The following C2CD2L variants were observed in gnomAD, a reference collection of about 807,000 sequenced individuals.
C2CD2L encodes C2CD2 like, also known as phospholipid transfer protein C2CD2L.
Under a neutral mutation model 69.9 loss-of-function variants are expected in C2CD2L, and 24 were observed. The observed-to-expected ratio is 0.34, with a 90% CI of 0.25 to 0.48. The LOEUF (loss-of-function observed/expected upper bound fraction) is 0.48, where lower values mean the gene tolerates loss of function less well. Among genes scored for constraint, C2CD2L ranks in the 20% least tolerant of loss-of-function variants. C2CD2L has a pLI of 0.99. For synonymous variants in C2CD2L, 367 were observed against 391.0 expected, an observed-to-expected ratio of 0.94 and a Z score of 0.72; for missense variants, 811 against 941.5, an observed-to-expected ratio of 0.86 and a Z score of 1.81.
Position 119,114,010 on chromosome 11 carries a change from G to A in C2CD2L, c.1623+22G>A, listed in dbSNP as rs540893166. The A allele has an allele frequency of 1.1e-5, 18 of 1,613,492 alleles. No individual in the cohort carries two copies. In the East Asian group the frequency reaches 1.6e-4, roughly 14 times the overall value. Reference sequence around the variant, plus strand: ...CAAGGTAACAGGGCTCTGGGGAGAGGAGCTGGGATGGGGAGAAAGCCCTAA... The same window carrying A: ...CAAGGTAACAGGGCTCTGGGGAGAGAAGCTGGGATGGGGAGAAAGCCCTAA... On this transcript the variant is annotated intron_variant, in intron 12 of 13. Transcript: ENST00000648610. This position sits in a 1 kb window ranked among gnomAD's most constrained non-coding sequence, Gnocchi z 5.1.
Position 119,114,432 on chromosome 11 carries a change from T to A in C2CD2L, c.1909+67T>A. The A allele has an allele frequency of 6.6e-7, 1 of 1,507,144 alleles. No homozygotes were observed. Among genetic ancestry groups the A allele is most frequent in the Non-Finnish European group, 9.1e-7 (1 of 1,101,684 alleles). 93.4% of individuals were successfully genotyped at this position (1,507,144 alleles called of 1,614,324 possible). A position where few individuals can be genotyped will look rare whatever the true frequency, so the allele number is the denominator to read the frequency against. On this transcript the variant is annotated intron_variant, in intron 13 of 13. Transcript: ENST00000648610. This position sits in a 1 kb window ranked among gnomAD's most constrained non-coding sequence, Gnocchi z 5.1. ...TACACATATCATGACCTGGGGGACCTCGAGCCAGTGTGCCTTCTCCTTCCT... is the reference window on the plus strand; with the variant it reads ...TACACATATCATGACCTGGGGGACCACGAGCCAGTGTGCCTTCTCCTTCCT...
At position 119,114,520 on chromosome 11, in the gene C2CD2L, G is replaced by A. The variant is rs919968688; in HGVS notation, c.1909+155G>A. 1 of 698,896 alleles carries A rather than the reference G, an allele frequency of 1.4e-6. No individual in the cohort carries two copies. The highest frequency in any genetic ancestry group is 2.4e-6 in the Non-Finnish European group (1 of 420,904). 43.3% of individuals were successfully genotyped at this position (698,896 alleles called of 1,614,324 possible). On this transcript the variant is annotated intron_variant, in intron 13 of 13. Transcript: ENST00000648610. The surrounding 1 kb of genome is among the most constrained non-coding windows in gnomAD (Gnocchi z 5.1). ...CAAGCTAGCCTAGAGGGGGATCTTG[G>A]TGCCTTGGTTCCTGGCCTAGATCTG...
In C2CD2L at chr11:119,110,661, T is replaced by A. The variant is rs1946713744; in HGVS notation, c.551T>A (p.Leu184Gln). ...AVSMETYHVT[L>Q]TLPPTQLEVN... ...TCCATGGAGACCTACCACGTCACTC[T>A]GACACTGCCACCAACACAGGTAGAA... is the stretch of plus-strand genomic sequence containing the variant. Residue 184 changes from leucine (L) to glutamine (Q), a missense_variant, in exon 3 of 14, where the codon CTG becomes CAG. Leu to Gln is a moderately radical substitution (Grantham distance 113). Coordinates refer to ENST00000648610, the MANE Select transcript of C2CD2L (RefSeq NM_001290474.2). This position sits in a 1 kb window ranked among gnomAD's most constrained non-coding sequence, Gnocchi z 5.7. The A allele has an allele frequency of 6.2e-7, 1 of 1,613,784 alleles. No homozygotes were observed. Among genetic ancestry groups the A allele is most frequent in the African/African-American group, 1.3e-5 (1 of 74,926 alleles).
chr11:119,116,450 G>A lies in C2CD2L; in HGVS notation c.*194G>A, dbSNP rs1380727833. On this transcript the variant is annotated 3_prime_UTR_variant, in exon 14 of 14. Coordinates refer to ENST00000648610, the MANE Select transcript of C2CD2L (RefSeq NM_001290474.2). Reference sequence around the variant, plus strand: ...ACATGAGAGGTGGGCACCCGGTGCCGAGGACATGGACGAGGGACTGGTGGC... The same window carrying A: ...ACATGAGAGGTGGGCACCCGGTGCCAAGGACATGGACGAGGGACTGGTGGC... 1.3e-5 allele frequency: 8 copies of A among 601,992 alleles called. No homozygotes were observed. Among genetic ancestry groups the A allele is most frequent in the African/African-American group, 9.3e-5 (5 of 53,934 alleles). 37.3% of individuals were successfully genotyped at this position (601,992 alleles called of 1,614,324 possible). A position where few individuals can be genotyped will look rare whatever the true frequency, so the allele number is the denominator to read the frequency against.
Position 119,110,998 on chromosome 11 carries a change from G to C in C2CD2L, c.681+41G>C, listed in dbSNP as rs778738162. The C allele has an allele frequency of 6.2e-6, 10 of 1,613,540 alleles. No individual in the cohort carries two copies. Among genetic ancestry groups the C allele is most frequent in the Non-Finnish European group, 8.5e-6 (10 of 1,179,606 alleles). ...TGGCAGAGAAGAGGCAGAACGGGGA[G>C]GGAGGCAGAGGTGGGGGATCCACCT... On this transcript the variant is annotated intron_variant, in intron 4 of 13. Transcript: ENST00000648610. This position sits in a 1 kb window ranked among gnomAD's most constrained non-coding sequence, Gnocchi z 5.7.
rs1458325699 is a variant in C2CD2L at position 119,116,609 on chromosome 11, C to G, written c.*353C>G. On this transcript the variant is annotated 3_prime_UTR_variant, in exon 14 of 14. Transcript: ENST00000648610. ...GCTGACCCTTCTTCCCTTATTTATT[C>G]TCTTTTCTATTTATATGTGTGGCTT... is the stretch of plus-strand genomic sequence containing the variant. 3 of 373,276 alleles carry G rather than the reference C, an allele frequency of 8.0e-6. No individual in the cohort carries two copies. Among genetic ancestry groups the G allele is most frequent in the African/African-American group, 6.1e-5 (3 of 49,240 alleles). The allele number at this position is 373,276 out of a possible 1,614,324, so 23.1% of individuals were successfully genotyped here. A position where few individuals can be genotyped will look rare whatever the true frequency, so the allele number is the denominator to read the frequency against.
rs910034042 is a variant in C2CD2L, at chr11:119,116,141, C to T, written c.2006C>T (p.Ala669Val). Reference sequence around the variant, plus strand: ...CAATCACACGATGACCTCTCCAACGCAACGGCCACGCCCAGTGTCCGAAAG... The same window carrying T: ...CAATCACACGATGACCTCTCCAACGTAACGGCCACGCCCAGTGTCCGAAAG... ...LSQSHDDLSN[A>V]TATPSVRKKA... Residue 669 changes from alanine to valine, a missense_variant, in exon 14 of 14, where the codon GCA becomes GTA. By Grantham distance (64) the Ala-to-Val change is moderately conservative. Coordinates refer to ENST00000648610, the MANE Select transcript of C2CD2L (RefSeq NM_001290474.2). 6.2e-7 allele frequency: 1 copy of T among 1,614,242 alleles called. No homozygotes were observed. The highest frequency in any genetic ancestry group is 2.2e-5 in the East Asian group (1 of 44,886).
intron 10 of C2CD2L, chr11:119,113,356 C>G (rs1233950725): frequency 6.0e-6 from 3 of 503,676 alleles, no homozygotes; most frequent in Admixed American, 3.5e-5. Context: ...CCCAGTACCC[C>G]CTCTGTCCCC....
rs746242841 is a variant in C2CD2L, at chr11:119,108,055, C to T, written c.314C>T (p.Ala105Val). 6.3e-6 allele frequency: 10 copies of T among 1,599,864 alleles called. No individual in the cohort carries two copies. The East Asian group carries it at 1.7e-4, about 26-fold the overall frequency. ...TCTTTCCGGGAGAACTGGCAGCGGG[C>T]TTGGGTGCGAGCGCTGAACGAGCAG... is the stretch of plus-strand genomic sequence containing the variant. ...FKSFRENWQR[A>V]WVRALNEQAC... Residue 105 changes from alanine to valine, a missense_variant, in exon 1 of 14, where the codon GCT (alanine) becomes GTT (valine). Coordinates refer to ENST00000648610, the MANE Select transcript of C2CD2L (RefSeq NM_001290474.2).
upstream of C2CD2L, among the ~76,000 whole-genome samples, chr11:119,104,070 G>A (rs935428325): frequency 1.3e-5 from 2 of 152,158 alleles, no homozygotes; most frequent in Non-Finnish European, 1.5e-5. Context: ...AATTAGTTGT[G>A]ACCAGAGTAA....
Position 119,113,615 on chromosome 11 carries a change from C to A in C2CD2L, c.1392C>A (p.Ser464=). 6.2e-7 allele frequency: 1 copy of A among 1,612,672 alleles called. No homozygotes were observed. The highest frequency in any genetic ancestry group is 8.5e-7 in the Non-Finnish European group (1 of 1,179,190). Residue 464 remains serine, a synonymous_variant, in exon 11 of 14, where the codon TCC becomes TCA. Transcript: ENST00000648610. ...TGACCCTCCCCCACCCACCAGACTCCCCCTCCCGCTCCCCGTCCAAGGTGG... is the reference window on the plus strand; with the variant it reads ...TGACCCTCCCCCACCCACCAGACTCACCCTCCCGCTCCCCGTCCAAGGTGG... ...SRPRIDGKLD[S]PSRSPSKVEV... is the part of the protein sequence containing the mutation.
upstream of C2CD2L, among the ~76,000 whole-genome samples, chr11:119,106,373 G>A (rs1353268837): frequency 6.6e-6 from 1 of 152,192 alleles, no homozygotes; most frequent in Non-Finnish European, 1.5e-5. Flanking sequence ...TATGAAGAAG[G>A]GGCTCTTGGG....
chr11:119,111,947 A>G, intron 7 of C2CD2L: 1 of 440,834 alleles, frequency 2.3e-6, no homozygotes, highest in Non-Finnish European at 4.1e-6. Context: ...AATAAGGATC[A>G]GAGTAGGCTT....
intron 10 of C2CD2L, chr11:119,113,373 T>G: frequency 1.8e-6 from 1 of 548,696 alleles, no homozygotes; most frequent in East Asian, 3.1e-5. Context: ...CCCCGCTCCA[T>G]ATTTTCATAG....
rs576828918 is a variant in C2CD2L at position 119,117,225 on chromosome 11, A to G, written c.*969A>G. The G allele has an allele frequency of 2.7e-4, 41 of 152,632 alleles. No homozygotes were observed. The highest frequency in any genetic ancestry group is 9.9e-4 in the African/African-American group (41 of 41,556). 9.5% of individuals were successfully genotyped at this position (152,632 alleles called of 1,614,324 possible). A position where few individuals can be genotyped will look rare whatever the true frequency, so the allele number is the denominator to read the frequency against. ...CCCGGATAATGAGGTTGGGTAGATG[A>G]CACACATTGTGGATCTGCTAAGAAG... On this transcript the variant is annotated 3_prime_UTR_variant, in exon 14 of 14. Coordinates refer to ENST00000648610, the MANE Select transcript of C2CD2L (RefSeq NM_001290474.2).
Position 119,114,163 on chromosome 11 carries a change from C to G in C2CD2L, c.1707C>G (p.Thr569=), listed in dbSNP as rs751643362. The G allele has an allele frequency of 4.3e-6, 7 of 1,614,026 alleles. No individual in the cohort carries two copies. The highest frequency in any genetic ancestry group is 5.1e-6 in the Non-Finnish European group (6 of 1,180,030). The part of the protein sequence containing the change: ...LEASVQDDAG[T]SGGPSSPPSD... ...CCTCAGTGCAGGATGATGCAGGGACCAGCGGAGGCCCCTCTTCACCTCCCT... is the reference window on the plus strand; with the variant it reads ...CCTCAGTGCAGGATGATGCAGGGACGAGCGGAGGCCCCTCTTCACCTCCCT... The change falls in exon 13 of 14, where the codon ACC becomes ACG. Residue 569 remains threonine, a synonymous_variant. Transcript: ENST00000648610. The surrounding 1 kb of genome is among the most constrained non-coding windows in gnomAD (Gnocchi z 5.1).
upstream of C2CD2L, chr11:119,107,250 C>T (rs1592234619): frequency 2.0e-5 from 3 of 152,550 alleles, no homozygotes; most frequent in South Asian, 6.2e-4. The surrounding 1 kb of genome is among the most constrained non-coding windows in gnomAD (Gnocchi z 5.4). Context: ...TGCTAGCCCT[C>T]CCGCCCTCCT....
chr11:119,106,233 C>T (rs559264918), upstream of C2CD2L, among the ~76,000 whole-genome samples: 16 of 152,346 alleles, frequency 1.1e-4, no homozygotes, highest in African/African-American at 3.1e-4. Flanking sequence ...CTTCAGAAGG[C>T]ATTGTTTATT....
Position 119,107,953 on chromosome 11 carries a change from G to A in C2CD2L, c.212G>A (p.Arg71Gln). Residue 71 changes from arginine to glutamine, a missense_variant, in exon 1 of 14, where the codon CGG becomes CAG. Arg to Gln is a conservative substitution (Grantham distance 43, BLOSUM62 1). Transcript: ENST00000648610. The surrounding 1 kb of genome is among the most constrained non-coding windows in gnomAD (Gnocchi z 5.4). ...RELGVWRSLLRLRATRAGAAE... is the reference protein window; with the variant it reads ...RELGVWRSLLQLRATRAGAAE... The stretch of plus-strand genomic sequence containing the variant: ...CTGGGCGTGTGGCGCTCGCTGCTGC[G>A]GCTGCGGGCGACTCGGGCTGGCGCC... 1 of 1,548,972 alleles carries A rather than the reference G, an allele frequency of 6.5e-7. No individual in the cohort carries two copies. The highest frequency in any genetic ancestry group is 1.4e-5 in the African/African-American group (1 of 69,276).
Sources: gnomAD v4.1 joint callset for allele counts (sites outside exome capture counted in the v4.1 genomes callset) on GRCh38, gnomAD v4.1.1 for gene constraint, Gnocchi (gnomAD v3.1) non-coding constraint, MANE v1.5 for transcripts, NCBI Gene and HGNC (gene_info 2026-07-23, HGNC 2026-07-21) for gene names.